Variants in KLHL4 observed in about 807,000 individuals in gnomAD.
The protein encoded by KLHL4 is kelch like family member 4.
KLHL4 carries 17 observed loss-of-function variants against 45.8 expected under a neutral mutation model. The observed-to-expected ratio is 0.37, with a 90% CI of 0.25 to 0.56. KLHL4 has a LOEUF of 0.56. KLHL4 is among the 20% of genes least tolerant of loss of function. The pLI is 0.79. For synonymous variants in KLHL4, 224 were observed against 189.9 expected (o/e 1.18, Z -1.47); for missense variants, 544 against 544.9 (o/e 1.00, Z 0.02).
chrX:87,597,214 C>T (rs1397586024), intron 1 of KLHL4, among the ~76,000 whole-genome samples: 3 of 104,986 alleles, frequency 2.9e-5, no homozygotes, highest in South Asian at 8.8e-4. Flanking sequence ...CTGCTTTGTA[C>T]CTGTCGCATA....
intron 1 of KLHL4, among the ~76,000 whole-genome samples, chrX:87,608,566 G>T (rs778762716): frequency 9.1e-6 from 1 of 110,256 alleles, no homozygotes; most frequent in East Asian, 2.9e-4. Context: ...GTAAAGAAAA[G>T]AGATTTATTT....
rs1316130494 is a variant in KLHL4, at chrX:87,667,898, G to T, written c.*1364G>T. 3 of 682,197 alleles carry T rather than the reference G, an allele frequency of 4.4e-6. No individual in the cohort carries two copies. Among genetic ancestry groups the T allele is most frequent in the Non-Finnish European group, 5.2e-6 (3 of 574,586 alleles). The allele number at this position is 682,197 out of a possible 1,213,427, so 56.2% of individuals were successfully genotyped here. On this transcript the variant is annotated 3_prime_UTR_variant, in exon 11 of 11. Transcript: ENST00000373119. ...AGTTGTACAAAGATATTTGTACTTTGACAAACTGAATTTAAATAAACTTTA... is the reference window on the plus strand; with the variant it reads ...AGTTGTACAAAGATATTTGTACTTTTACAAACTGAATTTAAATAAACTTTA...
At chrX:87,525,488 A>C (rs1931090747) in intron 1 of KLHL4, among the ~76,000 whole-genome samples, 1 of 111,551 alleles carries the variant, frequency 9.0e-6, no homozygotes, top group Non-Finnish European at 1.9e-5. Flanking sequence ...CCATTTAGAT[A>C]ATCATTTCAC....
intron 9 of KLHL4, among the ~76,000 whole-genome samples, chrX:87,657,890 G>GA (rs1924046858): frequency 9.0e-6 from 1 of 111,674 alleles, no homozygotes; most frequent in Non-Finnish European, 1.9e-5. Context: ...CCTGATGGGT[G>GA]AAAAAAAGTA....
chrX:87,608,614 G>T (rs1397379931), intron 1 of KLHL4, among the ~76,000 whole-genome samples: 1 of 111,399 alleles, frequency 9.0e-6, no homozygotes, highest in Non-Finnish European at 1.9e-5. Context: ...CAGGACACCA[G>T]CATCTGCAAG....
intron 9 of KLHL4, among the ~76,000 whole-genome samples, chrX:87,643,244 C>T (rs183648247): frequency 1.8e-4 from 20 of 111,409 alleles, no homozygotes; most frequent in African/African-American, 6.5e-4. Flanking sequence ...TTACAACTGA[C>T]ATACCAAAGA....
Position 87,666,576 on chromosome X carries a change from C to A in KLHL4, c.*42C>A. On this transcript the variant is annotated 3_prime_UTR_variant, in exon 11 of 11. Transcript: ENST00000373119. ...CAAATGGAATGAAACTAGATAATTT[C>A]AAGAAACTGAGTAGGACAAAGGGAG... 1 of 1,141,199 alleles carries A rather than the reference C, an allele frequency of 8.8e-7. No homozygotes were observed. Among genetic ancestry groups the A allele is most frequent in the Non-Finnish European group, 1.2e-6 (1 of 858,489 alleles). The allele number at this position is 1,141,199 out of a possible 1,213,427, so 94.0% of individuals were successfully genotyped here.
At chrX:87,549,324 C>G (rs751685643) in intron 1 of KLHL4, among the ~76,000 whole-genome samples, 1 of 111,021 alleles carries the variant, frequency 9.0e-6, no homozygotes, top group Admixed American at 9.6e-5. Flanking sequence ...ATAATAATAG[C>G]TAAAAACTTC....
chrX:87,669,262 C>G lies in KLHL4; in HGVS notation c.*2728C>G. On this transcript the variant is annotated 3_prime_UTR_variant, in exon 11 of 11. Transcript: ENST00000373119. ...ATGACCGTGTTCACGATTCCCTACT[C>G]TGCAACTCTCAGCATGCATCATGAT... 7 of 1,190,282 alleles carry G rather than the reference C, an allele frequency of 5.9e-6. No individual in the cohort carries two copies. The highest frequency in any genetic ancestry group is 7.9e-6 in the Non-Finnish European group (7 of 884,903).
intron 1 of KLHL4, among the ~76,000 whole-genome samples, chrX:87,546,583 C>T (rs976398509): frequency 1.8e-5 from 2 of 112,126 alleles, no homozygotes; most frequent in African/African-American, 6.5e-5. Flanking sequence ...CATTGGGGCA[C>T]TGGATAGTGG....
chrX:87,522,262 A>G (rs1174696437), intron 1 of KLHL4, among the ~76,000 whole-genome samples: 1 of 111,884 alleles, frequency 8.9e-6, no homozygotes, highest in Non-Finnish European at 1.9e-5. Flanking sequence ...AGTGTGGTTG[A>G]TAGTGTATCT....
chrX:87,618,102 C>G lies in KLHL4; in HGVS notation c.898C>G (p.Leu300Val), dbSNP rs1922622782. The G allele has an allele frequency of 2.5e-6, 3 of 1,202,971 alleles. No individual in the cohort carries two copies. Among genetic ancestry groups the G allele is most frequent in the Non-Finnish European group, 3.4e-6 (3 of 890,737 alleles). Residue 300 changes from leucine (L) to valine (V), a missense_variant, in exon 4 of 11, where the codon CTG becomes GTG. Transcript: ENST00000373119. ...FGDAQGCTEL[L>V]NVAHKYTMEH... ...AGATGCCCAAGGCTGTACAGAACTT[C>G]TGAACGTGGCACACAAATACACTAT...
At chrX:87,598,454 T>A (rs1328556406) in intron 1 of KLHL4, among the ~76,000 whole-genome samples, 1 of 111,515 alleles carries the variant, frequency 9.0e-6, no homozygotes, top group Non-Finnish European at 1.9e-5. Context: ...ACTTTGACAT[T>A]TAATTTTGGT....
chrX:87,522,563 A>G (rs1931023373), intron 1 of KLHL4, among the ~76,000 whole-genome samples: 1 of 111,771 alleles, frequency 8.9e-6, no homozygotes. Context: ...GTTCAGAACT[A>G]GGCCTGCTTC....
At chrX:87,654,659 G>A (rs866262240) in intron 9 of KLHL4, among the ~76,000 whole-genome samples, 2 of 111,848 alleles carry the variant, frequency 1.8e-5, no homozygotes, top group African/African-American at 6.5e-5. Flanking sequence ...AGGTAGATAC[G>A]TAGTAGTGGG....
intron 4 of KLHL4, among the ~76,000 whole-genome samples, chrX:87,619,325 A>G (rs1922671246): frequency 8.9e-6 from 1 of 111,840 alleles, no homozygotes. Context: ...TAAAATTTCA[A>G]TTGTTTAAAA....
intron 1 of KLHL4, among the ~76,000 whole-genome samples, chrX:87,531,705 C>A (rs1252535863): frequency 9.7e-6 from 1 of 102,910 alleles, no homozygotes; most frequent in Non-Finnish European, 2.0e-5. Context: ...AACAGAGAGC[C>A]AAATCATGAG....
At position 87,627,873 on chromosome X, in the gene KLHL4, T is replaced by C. The variant is rs1447794722; in HGVS notation, c.1324+2077T>C. On this transcript the variant is annotated intron_variant, in intron 6 of 10. Transcript: ENST00000373119. Reference sequence around the variant, plus strand: ...TTATTTTTTATTTTTGGCATTTTTTTCGGGCTAATCTTGGTTAAATTATTG... The same window carrying C: ...TTATTTTTTATTTTTGGCATTTTTTCCGGGCTAATCTTGGTTAAATTATTG... Among the ~76,000 whole-genome samples the C allele has an allele frequency of 5.4e-5, 6 of 111,638 alleles. No individual in the cohort carries two copies. The East Asian group carries it at 1.7e-3, about 31-fold the overall frequency.
chrX:87,539,503 G>T (rs1441051404), intron 1 of KLHL4, among the ~76,000 whole-genome samples: 1 of 109,567 alleles, frequency 9.1e-6, no homozygotes, highest in Non-Finnish European at 1.9e-5. Context: ...TTTATTCTGG[G>T]CCTCAGAAAT....
Sources: gnomAD v4.1 joint callset for allele counts (sites outside exome capture counted in the v4.1 genomes callset) on GRCh38, gnomAD v4.1.1 for gene constraint, MANE v1.5 for transcripts, NCBI Gene and HGNC (gene_info 2026-07-23, HGNC 2026-07-21) for gene names.